The following PPARGC1A variants were observed in gnomAD, a reference collection of about 807,000 sequenced individuals.
PPARGC1A encodes peroxisome proliferator-activated receptor gamma coactivator 1-alpha.
PPARGC1A carries 25 observed loss-of-function variants against 88.7 expected under a neutral mutation model. That is an observed-to-expected ratio of 0.28 (90% CI 0.21 to 0.39). PPARGC1A has a LOEUF of 0.39. PPARGC1A is among the 10% of genes least tolerant of loss of function. The pLI, the probability that PPARGC1A is intolerant of heterozygous loss-of-function variation, is 1.00. For missense variants in PPARGC1A, 880 were observed against 968.7 expected, an observed-to-expected ratio of 0.91 and a Z score of 1.22; for synonymous variants, 363 against 355.6, an observed-to-expected ratio of 1.02 and a Z score of -0.24.
chr4:24,349,921 C>A, the PPARGC1A span, among the ~76,000 whole-genome samples: 1 of 152,226 alleles, frequency 6.6e-6, no homozygotes, highest in Non-Finnish European at 1.5e-5. Flanking sequence ...CGATGGATCC[C>A]TGTGGTGCCA....
chr4:24,006,251 G>T, the PPARGC1A span, among the ~76,000 whole-genome samples: 1 of 152,136 alleles, frequency 6.6e-6, no homozygotes, highest in African/African-American at 2.4e-5. Flanking sequence ...GTTTCATCAT[G>T]TTGGCCAGGC....
chr4:23,828,151 A>C (rs1319783534), intron 5 of PPARGC1A, among the ~76,000 whole-genome samples: 1 of 152,160 alleles, frequency 6.6e-6, no homozygotes, highest in Admixed American at 6.5e-5. Flanking sequence ...GCAATTCCTC[A>C]CCACCTGGCT....
At chr4:23,872,057 G>C (rs973362000) in intron 2 of PPARGC1A, among the ~76,000 whole-genome samples, 1 of 152,100 alleles carries the variant, frequency 6.6e-6, no homozygotes, top group African/African-American at 2.4e-5. Flanking sequence ...ACTTAGAGAT[G>C]ATGGATCCAA....
chr4:23,818,602 C>T (rs750970351), intron 7 of PPARGC1A, among the ~76,000 whole-genome samples: 10 of 152,072 alleles, frequency 6.6e-5, no homozygotes, highest in East Asian at 3.9e-4. Flanking sequence ...CTCACACTTA[C>T]GCACTTCTGC....
At chr4:24,356,408 T>C in the PPARGC1A span, among the ~76,000 whole-genome samples, 1 of 152,180 alleles carries the variant, frequency 6.6e-6, no homozygotes, top group Non-Finnish European at 1.5e-5. Context: ...TAATTGTTGG[T>C]CTCTGTTCAC....
the PPARGC1A span, among the ~76,000 whole-genome samples, chr4:24,420,906 T>C: frequency 1.3e-5 from 2 of 152,200 alleles, no homozygotes; most frequent in Non-Finnish European, 2.9e-5. Context: ...TGGTGTCTGG[T>C]GAGGGCCTGC....
At chr4:23,903,834 TTCTC>T (rs946813735), upstream of PPARGC1A, among the ~76,000 whole-genome samples, 2 of 150,748 alleles carry the variant, frequency 1.3e-5, no homozygotes, top group African/African-American at 2.4e-5. Flanking sequence ...TACTACACAC[TTCTC>T]TCTTTCTTTT....
chr4:23,941,321 G>A, the PPARGC1A span, among the ~76,000 whole-genome samples: 1 of 152,140 alleles, frequency 6.6e-6, no homozygotes, highest in Non-Finnish European at 1.5e-5. Flanking sequence ...GCCTCCCAAA[G>A]CACTGAGATT....
the PPARGC1A span, among the ~76,000 whole-genome samples, chr4:24,437,420 G>A: frequency 1.3e-5 from 2 of 152,264 alleles, no homozygotes; most frequent in South Asian, 2.1e-4. Context: ...GGAACGGGGG[G>A]TCCTAGGGCT....
intron 7 of PPARGC1A, among the ~76,000 whole-genome samples, chr4:23,822,648 G>A (rs1723208906): frequency 1.3e-5 from 2 of 151,954 alleles, no homozygotes; most frequent in Non-Finnish European, 2.9e-5. Flanking sequence ...ATTTTAAGAG[G>A]AGATGACAAT....
upstream of PPARGC1A, among the ~76,000 whole-genome samples, chr4:23,906,431 G>A (rs908372569): frequency 4.0e-5 from 6 of 151,642 alleles, no homozygotes; most frequent in African/African-American, 1.2e-4. Context: ...GGGCCAACAG[G>A]GTGAAACCCT....
At chr4:24,033,429 A>T in the PPARGC1A span, among the ~76,000 whole-genome samples, 1 of 151,848 alleles carries the variant, frequency 6.6e-6, no homozygotes, top group African/African-American at 2.4e-5. Context: ...ACACACACAC[A>T]CACGCATCCA....
chr4:24,079,234 TA>T, the PPARGC1A span, among the ~76,000 whole-genome samples: 1 of 152,088 alleles, frequency 6.6e-6, no homozygotes, highest in East Asian at 1.9e-4. Context: ...AAGGCAGTAA[TA>T]AATCAGCACT....
chr4:23,920,656 C>G, the PPARGC1A span, among the ~76,000 whole-genome samples: 2 of 152,218 alleles, frequency 1.3e-5, no homozygotes, highest in Non-Finnish European at 2.9e-5. Flanking sequence ...GTCTTTTCTT[C>G]TCTCCACTTC....
At chr4:24,125,553 A>G in the PPARGC1A span, among the ~76,000 whole-genome samples, 1 of 152,138 alleles carries the variant, frequency 6.6e-6, no homozygotes, top group Non-Finnish European at 1.5e-5. Flanking sequence ...GTAGGGCTCA[A>G]TGGAAAACTC....
chr4:23,845,102 A>G (rs1306762006), intron 2 of PPARGC1A, among the ~76,000 whole-genome samples: 3 of 151,864 alleles, frequency 2.0e-5, no homozygotes, highest in Non-Finnish European at 4.4e-5. Context: ...AACATCGCAC[A>G]AGAACATTGA....
At chr4:24,387,942 A>AAG in the PPARGC1A span, among the ~76,000 whole-genome samples, 1 of 136,822 alleles carries the variant, frequency 7.3e-6, no homozygotes. Flanking sequence ...AAGAGAAAGA[A>AAG]AGAAAGAAAG....
the PPARGC1A span, among the ~76,000 whole-genome samples, chr4:23,921,900 G>A: frequency 8.5e-5 from 13 of 152,294 alleles, no homozygotes; most frequent in Non-Finnish European, 1.2e-4. Flanking sequence ...TACAAGTGTC[G>A]GAGAGCACGT....
the PPARGC1A span, among the ~76,000 whole-genome samples, chr4:24,362,945 T>C: frequency 6.6e-6 from 1 of 152,198 alleles, no homozygotes; most frequent in South Asian, 2.1e-4. Context: ...AACAGAAACA[T>C]CGTAAGAACT....
Sources: gnomAD v4.1 joint callset for allele counts (sites outside exome capture counted in the v4.1 genomes callset) on GRCh38, gnomAD v4.1.1 for gene constraint, MANE v1.5 for transcripts, NCBI Gene and HGNC (gene_info 2026-07-23, HGNC 2026-07-21) for gene names.